KITLG: variants seen among roughly 807,000 people sequenced by gnomAD.
KITLG encodes the protein KIT ligand, also known as c-Kit ligand.
In KITLG, 13 loss-of-function variants were observed where a neutral mutation model predicts 34.1. That is an observed-to-expected ratio of 0.38 (90% CI 0.25 to 0.61). The LOEUF is 0.61. Among genes scored for constraint, KITLG ranks in the 20% least tolerant of loss-of-function variants. KITLG has a pLI of 0.60. For missense variants in KITLG, 292 were observed against 318.9 expected, an observed-to-expected ratio of 0.92 and a Z score of 0.64; for synonymous variants, 110 against 104.0, an observed-to-expected ratio of 1.06 and a Z score of -0.35.
intron 3 of KITLG, among the ~76,000 whole-genome samples, chr12:88,530,913 T>C (rs571290459): frequency 5.3e-5 from 8 of 152,278 alleles, no homozygotes; most frequent in African/African-American, 1.7e-4. Flanking sequence ...TGTGTTTAAA[T>C]TGGTAACAAC....
intron 3 of KITLG, among the ~76,000 whole-genome samples, chr12:88,523,719 A>G (rs1399552666): frequency 1.3e-5 from 2 of 152,240 alleles, no homozygotes; most frequent in Admixed American, 1.3e-4. Context: ...AGCACTTTGC[A>G]AAATATTGCA....
At chr12:88,534,981 A>G (rs1870255499) in intron 2 of KITLG, among the ~76,000 whole-genome samples, 1 of 152,194 alleles carries the variant, frequency 6.6e-6, no homozygotes, top group African/African-American at 2.4e-5. Context: ...CCAGATAGAA[A>G]AACGCAGCAA....
At chr12:88,550,668 G>T (rs1192385709) in intron 1 of KITLG, among the ~76,000 whole-genome samples, 1 of 152,184 alleles carries the variant, frequency 6.6e-6, no homozygotes, top group Non-Finnish European at 1.5e-5. Context: ...GTAAGCCCAG[G>T]TCTGTCCAAT....
Position 88,567,146 on chromosome 12 carries a change from T to C in KITLG, c.15+13118A>G, listed in dbSNP as rs188094945. Among the ~76,000 whole-genome samples, 143 of 152,302 alleles carry C rather than the reference T, an allele frequency of 9.4e-4. 1 individual carries two copies. Among genetic ancestry groups the C allele is most frequent in the African/African-American group, 3.4e-3 (140 of 41,566 alleles). ...AAAAGCAGGGACTTTAATATATATA[T>C]ATTTGTTTTTCTTTTTCAATATCTA... is the stretch of plus-strand genomic sequence containing the variant. On this transcript the variant is annotated intron_variant, in intron 1 of 9. Transcript: ENST00000644744.
intron 2 of KITLG, among the ~76,000 whole-genome samples, chr12:88,545,097 C>G (rs953049098): frequency 2.0e-5 from 3 of 152,080 alleles, no homozygotes; most frequent in African/African-American, 4.8e-5. Flanking sequence ...ATGTGTTATG[C>G]CCACTCTGTG....
intron 2 of KITLG, among the ~76,000 whole-genome samples, chr12:88,535,807 T>C (rs1218938626): frequency 6.6e-6 from 1 of 152,110 alleles, no homozygotes; most frequent in Non-Finnish European, 1.5e-5. Flanking sequence ...GGGAAAGGAC[T>C]CCCTATTCAA....
At chr12:88,530,535 A>C (rs375287677) in intron 3 of KITLG, among the ~76,000 whole-genome samples, 30 of 152,278 alleles carry the variant, frequency 2.0e-4, no homozygotes, top group African/African-American at 7.2e-4. Flanking sequence ...TTTTGAACTA[A>C]AGATCATTGC....
chr12:88,562,537 G>A (rs1733294892), intron 1 of KITLG, among the ~76,000 whole-genome samples: 1 of 152,246 alleles, frequency 6.6e-6, no homozygotes, highest in Admixed American at 6.5e-5. Flanking sequence ...TATTTAGAAT[G>A]AATGAGTGAA....
intron 1 of KITLG, among the ~76,000 whole-genome samples, chr12:88,574,227 A>T (rs1364539879): frequency 2.0e-5 from 3 of 151,868 alleles, no homozygotes; most frequent in Non-Finnish European, 4.4e-5. Context: ...AGGAGGGTCC[A>T]GCTGATCTTG....
At chr12:88,514,837 C>T (rs1869401252) in intron 6 of KITLG, among the ~76,000 whole-genome samples, 1 of 151,586 alleles carries the variant, frequency 6.6e-6, no homozygotes, top group South Asian at 2.1e-4. Flanking sequence ...TAAGGGATGA[C>T]TTTTTTAGCC....
chr12:88,546,053 A>G (rs775225895), intron 1 of KITLG, 188 bp from the exon 2 acceptor site: 9 of 693,282 alleles, frequency 1.3e-5, no homozygotes, highest in Non-Finnish European at 1.9e-5. Context: ...GTTAAAATCC[A>G]TTTTGAATTA....
At chr12:88,555,732 C>T (rs879420674) in intron 1 of KITLG, among the ~76,000 whole-genome samples, 9 of 152,040 alleles carry the variant, frequency 5.9e-5, no homozygotes, top group Non-Finnish European at 8.8e-5. Flanking sequence ...AAAAATAAAG[C>T]GATAAGTTGT....
chr12:88,519,148 C>G (rs1378055280), intron 3 of KITLG, among the ~76,000 whole-genome samples: 2 of 152,068 alleles, frequency 1.3e-5, no homozygotes, highest in Admixed American at 1.3e-4. Context: ...AAGCATGAAC[C>G]ACCGTGCCTG....
rs567341715 is a variant in KITLG at position 88,561,320 on chromosome 12, C to A, written c.16-15455G>T. On this transcript the variant is annotated intron_variant, in intron 1 of 9. Coordinates refer to ENST00000644744, the MANE Select transcript of KITLG (RefSeq NM_000899.5). ...GTCATTGCTGTCTAGAACAAGCATTCCTAGTAACATCATGCCCAAACTTGA... is the reference window on the plus strand; with the variant it reads ...GTCATTGCTGTCTAGAACAAGCATTACTAGTAACATCATGCCCAAACTTGA... Among the ~76,000 whole-genome samples, 6 of 152,252 alleles carry A rather than the reference C, an allele frequency of 3.9e-5. No homozygotes were observed. In the South Asian group the frequency reaches 1.2e-3, roughly 32 times the overall value.
chr12:88,572,931 C>G (rs1301069431), intron 1 of KITLG, among the ~76,000 whole-genome samples: 1 of 152,048 alleles, frequency 6.6e-6, no homozygotes, highest in Non-Finnish European at 1.5e-5. Flanking sequence ...TGAGTAGGGC[C>G]CACGGAATAC....
intron 9 of KITLG, among the ~76,000 whole-genome samples, chr12:88,500,933 C>A (rs906126854): frequency 2.6e-5 from 4 of 152,114 alleles, no homozygotes; most frequent in African/African-American, 9.7e-5. Flanking sequence ...GTGCATACCA[C>A]TATGCCCACC....
At chr12:88,524,624 T>C (rs1301269870) in intron 3 of KITLG, among the ~76,000 whole-genome samples, 2 of 152,072 alleles carry the variant, frequency 1.3e-5, no homozygotes, top group Admixed American at 6.6e-5. Flanking sequence ...ACCAGACAAT[T>C]AAGATTATGA....
Position 88,580,436 on chromosome 12 carries a change from G to T in KITLG, c.-158C>A, listed in dbSNP as rs1321405571. ...CTCTCCACTGTCCCTGCTTCCCGCAGCGCTTCTAGTCTCGGCGCGAGGCGG... is the reference window on the plus strand; with the variant it reads ...CTCTCCACTGTCCCTGCTTCCCGCATCGCTTCTAGTCTCGGCGCGAGGCGG... On this transcript the variant is annotated 5_prime_UTR_variant, in exon 1 of 10. The change creates a new upstream start codon in the 5' untranslated region. Transcript: ENST00000644744. The T allele has an allele frequency of 4.4e-6, 4 of 899,996 alleles. No individual in the cohort carries two copies. Among genetic ancestry groups the T allele is most frequent in the Non-Finnish European group, 7.1e-6 (4 of 567,312 alleles). The allele number at this position is 899,996 out of a possible 1,614,324, so 55.8% of individuals were successfully genotyped here.
intron 1 of KITLG, among the ~76,000 whole-genome samples, chr12:88,549,087 G>A (rs533192556): frequency 6.6e-6 from 1 of 152,298 alleles, no homozygotes; most frequent in Non-Finnish European, 1.5e-5. Flanking sequence ...AAAAGCTGGT[G>A]CCAAGGTCCT....
Sources: allele counts gnomAD v4.1 joint callset (sites outside exome capture counted in the v4.1 genomes callset), GRCh38; gene constraint gnomAD v4.1.1; transcripts MANE v1.5; gene names NCBI Gene and HGNC (gene_info 2026-07-23, HGNC 2026-07-21).